DCC: variants seen among roughly 807,000 people sequenced by gnomAD.
DCC encodes DCC netrin 1 receptor, also known as netrin receptor DCC.
Under a neutral mutation model 172.5 loss-of-function variants are expected in DCC, and 58 were observed. The observed-to-expected ratio is 0.34, with a 90% CI of 0.27 to 0.42. The LOEUF is 0.42. Ranked by LOEUF, DCC falls within the 10% of genes least tolerant of loss-of-function variation. The pLI, the probability that DCC is intolerant of heterozygous loss-of-function variation, is 1.00. For missense variants in DCC, 1,740 were observed against 1,791.0 expected, an observed-to-expected ratio of 0.97 and a Z score of 0.51; for synonymous variants, 709 against 644.5, an observed-to-expected ratio of 1.10 and a Z score of -1.52.
chr18:53,469,851 C>T (rs2045673922), intron 25 of DCC, among the ~76,000 whole-genome samples: 1 of 152,170 alleles, frequency 6.6e-6, no homozygotes, highest in Non-Finnish European at 1.5e-5. Flanking sequence ...TACAGTCACT[C>T]TCCACTGAAT....
At chr18:52,848,159 C>T (rs1232984384) in intron 2 of DCC, among the ~76,000 whole-genome samples, 6 of 147,406 alleles carry the variant, frequency 4.1e-5, no homozygotes, top group Admixed American at 6.9e-5. Flanking sequence ...AATCTCAGCT[C>T]ACTGCAACCT....
chr18:52,855,693 G>T (rs952386733), intron 2 of DCC, among the ~76,000 whole-genome samples: 18 of 151,898 alleles, frequency 1.2e-4, no homozygotes, highest in Non-Finnish European at 2.4e-4. Flanking sequence ...TGTTAGAGGG[G>T]CATCTACATA....
At chr18:52,862,770 A>C (rs1042257024) in intron 2 of DCC, among the ~76,000 whole-genome samples, 1 of 152,174 alleles carries the variant, frequency 6.6e-6, no homozygotes, top group African/African-American at 2.4e-5. Flanking sequence ...TACAGAGAGG[A>C]GAATCAGGTT....
chr18:52,789,321 A>T (rs961927145), intron 2 of DCC, among the ~76,000 whole-genome samples: 1 of 152,150 alleles, frequency 6.6e-6, no homozygotes, highest in Non-Finnish European at 1.5e-5. Flanking sequence ...CCAGGCTACC[A>T]GAAGTTGTCT....
chr18:52,682,352 C>T (rs893734446), intron 1 of DCC, among the ~76,000 whole-genome samples: 12 of 152,024 alleles, frequency 7.9e-5, no homozygotes, highest in Non-Finnish European at 1.5e-4. Flanking sequence ...TGGGATAAAA[C>T]ATGCACTCTA....
At chr18:52,464,663 C>T in intron 1 of DCC, among the ~76,000 whole-genome samples, 1 of 152,184 alleles carries the variant, frequency 6.6e-6, no homozygotes, top group Non-Finnish European at 1.5e-5. Flanking sequence ...GAATGCAAAA[C>T]ATTCCTTTCA....
chr18:53,295,750 T>C (rs1441960465), intron 12 of DCC, among the ~76,000 whole-genome samples: 7 of 152,200 alleles, frequency 4.6e-5, no homozygotes, highest in Non-Finnish European at 1.0e-4. Context: ...TTGTTTTTTC[T>C]TTTGGAAAGT....
intron 1 of DCC, among the ~76,000 whole-genome samples, chr18:52,430,619 A>C (rs780677910): frequency 6.6e-5 from 10 of 152,140 alleles, no homozygotes; most frequent in Non-Finnish European, 1.0e-4. Flanking sequence ...ATTAATTCTC[A>C]TTTCTTACAT....
chr18:52,592,468 T>G (rs1299696842), intron 1 of DCC, among the ~76,000 whole-genome samples: 1 of 152,204 alleles, frequency 6.6e-6, no homozygotes, highest in African/African-American at 2.4e-5. Context: ...GTTAGGTTGT[T>G]GGCGGAATTC....
At chr18:52,605,306 G>A (rs758083278) in intron 1 of DCC, among the ~76,000 whole-genome samples, 6 of 152,050 alleles carry the variant, frequency 3.9e-5, no homozygotes, top group Admixed American at 6.6e-5. Flanking sequence ...TTTGCAAGAG[G>A]CAGTGGAAGT....
At chr18:53,101,360 T>G (rs2043170141) in intron 7 of DCC, among the ~76,000 whole-genome samples, 1 of 152,048 alleles carries the variant, frequency 6.6e-6, no homozygotes, top group Non-Finnish European at 1.5e-5. Context: ...CTAGTTAGAT[T>G]AATCCTTAAG....
intron 3 of DCC, among the ~76,000 whole-genome samples, chr18:52,921,345 A>G (rs2040122045): frequency 6.6e-6 from 1 of 151,552 alleles, no homozygotes; most frequent in Non-Finnish European, 1.5e-5. Flanking sequence ...AAAATTTTAA[A>G]TAAAATATTA....
chr18:53,300,810 T>C (rs977314942), intron 12 of DCC, among the ~76,000 whole-genome samples: 4 of 152,060 alleles, frequency 2.6e-5, no homozygotes, highest in Admixed American at 6.6e-5. Flanking sequence ...GAGAAACTTA[T>C]CTGCAGAGCA....
At chr18:52,835,441 C>T (rs1048020999) in intron 2 of DCC, among the ~76,000 whole-genome samples, 3 of 152,130 alleles carry the variant, frequency 2.0e-5, no homozygotes, top group African/African-American at 7.2e-5. Context: ...ATTTGTTTTG[C>T]TCAGGAGTTA....
intron 11 of DCC, among the ~76,000 whole-genome samples, chr18:53,211,286 A>T (rs1348226544): frequency 6.6e-6 from 1 of 152,234 alleles, no homozygotes; most frequent in Non-Finnish European, 1.5e-5. Context: ...AGATGACAAA[A>T]CTAAGTCAGA....
chr18:53,434,119 A>G (rs950709170), intron 21 of DCC, among the ~76,000 whole-genome samples: 25 of 152,318 alleles, frequency 1.6e-4, no homozygotes, highest in South Asian at 6.2e-4. Flanking sequence ...CTTGAAAGTT[A>G]TAGAGATGAA....
intron 7 of DCC, among the ~76,000 whole-genome samples, chr18:53,094,086 A>G (rs571755353): frequency 6.6e-6 from 1 of 152,346 alleles, no homozygotes; most frequent in East Asian, 1.9e-4. Context: ...CAGTGACATT[A>G]TGATTTCCTT....
chr18:53,503,700 A>T (rs767972128), intron 27 of DCC, among the ~76,000 whole-genome samples: 19 of 152,168 alleles, frequency 1.2e-4, no homozygotes, highest in Non-Finnish European at 1.2e-4. Context: ...GGGTTAGGAG[A>T]CCATTTGTCT....
chr18:52,826,471 T>C (rs2038511504), intron 2 of DCC, among the ~76,000 whole-genome samples: 1 of 151,950 alleles, frequency 6.6e-6, no homozygotes, highest in African/African-American at 2.4e-5. Flanking sequence ...ATTCTAAATT[T>C]CTTCCATTCT....
Sources: gnomAD v4.1 joint callset for allele counts (sites outside exome capture counted in the v4.1 genomes callset) on GRCh38, gnomAD v4.1.1 for gene constraint, MANE v1.5 for transcripts, NCBI Gene and HGNC (gene_info 2026-07-23, HGNC 2026-07-21) for gene names.